KAZN: variants seen among roughly 807,000 people sequenced by gnomAD.
KAZN encodes the protein kazrin.
In KAZN, 40 loss-of-function variants were observed where a neutral mutation model predicts 87.4. The ratio of observed to expected loss-of-function variants is 0.46; its 90% CI spans 0.36 to 0.60. KAZN has a LOEUF of 0.60. Among genes scored for constraint, KAZN ranks in the 20% least tolerant of loss-of-function variants. The pLI is 0.00. For missense variants in KAZN, 898 were observed against 1,073.9 expected, an observed-to-expected ratio of 0.84 and a Z score of 2.29; for synonymous variants, 466 against 458.3, an observed-to-expected ratio of 1.02 and a Z score of -0.22.
intron 2 of KAZN, among the ~76,000 whole-genome samples, chr1:14,339,674 A>C (rs1049318040): frequency 6.6e-6 from 1 of 152,238 alleles, no homozygotes; most frequent in African/African-American, 2.4e-5. Context: ...AACTGACTGA[A>C]TTAGCCCCAT....
intron 2 of KAZN, among the ~76,000 whole-genome samples, chr1:14,511,877 A>C (rs751237615): frequency 7.6e-4 from 116 of 152,228 alleles, no homozygotes; most frequent in Non-Finnish European, 1.6e-3. Flanking sequence ...GCTGCATTCA[A>C]CATAAATAAA....
chr1:14,329,178 T>C (rs191998234), intron 2 of KAZN, among the ~76,000 whole-genome samples: 1 of 152,276 alleles, frequency 6.6e-6, no homozygotes, highest in Admixed American at 6.5e-5. Flanking sequence ...TTTAGGGATG[T>C]TCTTCCCACA....
intron 1 of KAZN, among the ~76,000 whole-genome samples, chr1:14,161,454 A>T (rs544490079): frequency 5.9e-5 from 9 of 152,342 alleles, no homozygotes; most frequent in Non-Finnish European, 1.3e-4. Flanking sequence ...ATTTAGTAAG[A>T]TACCTCAATG....
chr1:14,835,559 C>T (rs3845592), intron 1 of KAZN, among the ~76,000 whole-genome samples: 22 of 151,932 alleles, frequency 1.4e-4, no homozygotes, highest in African/African-American at 5.1e-4. Flanking sequence ...CTCATTGTCA[C>T]GGGAGGAAAC....
In KAZN at chr1:14,752,277, G is replaced by A. The variant is rs147583107; in HGVS notation, c.226+153054G>A. ...AGAAGGGACAAGTATTCAAACCATA[G>A]CAGACGAGTCTGTGAGATGATGCTG... On this transcript the variant is annotated intron_variant, in intron 1 of 14. Transcript: ENST00000376030. Among the ~76,000 whole-genome samples the A allele has an allele frequency of 4.4e-3, 666 of 152,302 alleles. 6 individuals carry two copies. Among genetic ancestry groups the A allele is most frequent in the African/African-American group, 0.015 (639 of 41,558 alleles).
intron 5 of KAZN, among the ~76,000 whole-genome samples, chr1:15,059,948 T>C (rs1638636893): frequency 1.3e-5 from 2 of 151,746 alleles, no homozygotes; most frequent in South Asian, 2.1e-4. Flanking sequence ...TGGAGGAGGG[T>C]TCATTGGATC....
chr1:14,125,811 C>T (rs1337057559), intron 1 of KAZN, among the ~76,000 whole-genome samples: 1 of 152,026 alleles, frequency 6.6e-6, no homozygotes, highest in Non-Finnish European at 1.5e-5. Context: ...GGGCAGGTTC[C>T]AGGAACCATT....
intron 2 of KAZN, among the ~76,000 whole-genome samples, chr1:14,281,129 A>G (rs1378744236): frequency 6.6e-6 from 1 of 152,202 alleles, no homozygotes; most frequent in Non-Finnish European, 1.5e-5. Flanking sequence ...GCACTATGCC[A>G]TGTCAAGAGG....
chr1:14,040,394 G>A (rs1480115025), intron 1 of KAZN, among the ~76,000 whole-genome samples: 1 of 152,130 alleles, frequency 6.6e-6, no homozygotes, highest in Admixed American at 6.5e-5. Flanking sequence ...AGGTCAGCGG[G>A]GGATGGAGGG....
intron 1 of KAZN, among the ~76,000 whole-genome samples, chr1:14,848,657 G>A (rs971312390): frequency 6.6e-6 from 1 of 152,184 alleles, no homozygotes; most frequent in African/African-American, 2.4e-5. Context: ...AGCTACAGAT[G>A]TCAACTGTCA....
intron 1 of KAZN, among the ~76,000 whole-genome samples, chr1:14,902,375 G>T (rs1158799420): frequency 6.6e-6 from 1 of 151,964 alleles, no homozygotes; most frequent in Non-Finnish European, 1.5e-5. Context: ...ATAGGCACCC[G>T]CCACCACACC....
intron 1 of KAZN, among the ~76,000 whole-genome samples, chr1:14,685,161 A>C (rs1358316136): frequency 6.6e-6 from 1 of 152,184 alleles, no homozygotes; most frequent in African/African-American, 2.4e-5. Context: ...GTGAGATATG[A>C]AAGGGAAGGC....
At chr1:13,981,089 TTATATATA>T (rs1205017791) in intron 1 of KAZN, among the ~76,000 whole-genome samples, 7 of 63,134 alleles carry the variant, frequency 1.1e-4, no homozygotes, top group South Asian at 4.8e-4. Context: ...AAATTACTCT[TTATATATA>T]TATATATATA....
In KAZN at chr1:13,893,732, C is replaced by T; in HGVS notation, c.67C>T (p.Gln23Ter). ...CGTCACCTTCTCCCACGTCTTTGGT[C>T]AGCAGTGCCAACTTATGCAAGCAGG... Residue 23 changes from glutamine to a stop codon, truncating the protein, a stop_gained, in exon 1 of 17, where the codon CAG becomes TAG. Transcript: ENST00000636203. LOFTEE classifies it high-confidence loss of function. 6.4e-7 allele frequency: 1 copy of T among 1,550,544 alleles called. No homozygotes were observed. The highest frequency in any genetic ancestry group is 8.7e-7 in the Non-Finnish European group (1 of 1,146,992).
intron 1 of KAZN, among the ~76,000 whole-genome samples, chr1:14,879,868 C>T (rs1440876691): frequency 6.6e-6 from 1 of 152,158 alleles, no homozygotes; most frequent in Non-Finnish European, 1.5e-5. Flanking sequence ...ATGTTAAGTA[C>T]ATTTTGTGCA....
Position 15,011,636 on chromosome 1 carries a change from G to A in KAZN, c.419-23113G>A, listed in dbSNP as rs538104728. Among the ~76,000 whole-genome samples, 5 of 152,196 alleles carry A rather than the reference G, an allele frequency of 3.3e-5. No individual in the cohort carries two copies. The South Asian group carries it at 6.2e-4, about 19-fold the overall frequency. ...AGTGTTTTTGTTTCTGTGCTAGCAG[G>A]GTGCCAAGTCACCAAACTTAAAGCC... is the stretch of plus-strand genomic sequence containing the variant. On this transcript the variant is annotated intron_variant, in intron 2 of 14. Coordinates refer to ENST00000376030, the MANE Select transcript of KAZN (RefSeq NM_201628.3).
intron 1 of KAZN, among the ~76,000 whole-genome samples, chr1:14,943,903 C>T (rs1661428041): frequency 6.6e-6 from 1 of 152,184 alleles, no homozygotes; most frequent in Non-Finnish European, 1.5e-5. Flanking sequence ...GAAACCCTGT[C>T]TCTACTAAAA....
At chr1:14,607,497 G>C (rs1677463808) in intron 1 of KAZN, among the ~76,000 whole-genome samples, 4 of 152,192 alleles carry the variant, frequency 2.6e-5, no homozygotes, top group African/African-American at 9.7e-5. Flanking sequence ...TGTTGGCATT[G>C]TGGCAATTAT....
intron 2 of KAZN, among the ~76,000 whole-genome samples, chr1:14,592,446 T>C (rs545316279): frequency 2.1e-3 from 319 of 152,194 alleles, no homozygotes; most frequent in Non-Finnish European, 3.4e-3. Flanking sequence ...CAGATTCTCC[T>C]GGGCAGCTTG....
Sources: allele counts gnomAD v4.1 joint callset (sites outside exome capture counted in the v4.1 genomes callset), GRCh38; gene constraint gnomAD v4.1.1; transcripts MANE v1.5; gene names NCBI Gene and HGNC (gene_info 2026-07-23, HGNC 2026-07-21).